The following GLT1D1 variants were observed in gnomAD, a reference collection of about 807,000 sequenced individuals.
GLT1D1 encodes glycosyltransferase 1 domain containing 1, also known as glycosyltransferase 1 domain-containing protein 1.
Under a neutral mutation model 28.7 loss-of-function variants are expected in GLT1D1, and 21 were observed. That is an observed-to-expected ratio of 0.73 (90% CI 0.52 to 1.05). GLT1D1 has a LOEUF of 1.05. Among genes scored for constraint, GLT1D1 ranks in the 50% least tolerant of loss-of-function variants. The probability of loss-of-function intolerance (pLI) is 0.00; values close to 1 mark genes in which losing one functional copy is unlikely to be tolerated. For missense variants in GLT1D1, 343 were observed against 330.6 expected, an observed-to-expected ratio of 1.04 and a Z score of -0.29; for synonymous variants, 147 against 124.8, an observed-to-expected ratio of 1.18 and a Z score of -1.19.
chr12:128,931,068 C>G (rs1873818112), intron 4 of GLT1D1, among the ~76,000 whole-genome samples: 3 of 149,892 alleles, frequency 2.0e-5, no homozygotes, highest in Non-Finnish European at 4.4e-5. Flanking sequence ...ATGGCGTGAT[C>G]TTGGCTCACA....
intron 4 of GLT1D1, among the ~76,000 whole-genome samples, chr12:128,936,520 A>G (rs11060028): frequency 0.13 from 20,460 of 152,194 alleles, 1,673 homozygotes; most frequent in East Asian, 0.34. Flanking sequence ...TTTTAGCTGC[A>G]GGATGGTTTG....
At chr12:128,966,617 C>A (rs1033247231) in intron 7 of GLT1D1, among the ~76,000 whole-genome samples, 5 of 152,082 alleles carry the variant, frequency 3.3e-5, no homozygotes, top group Non-Finnish European at 7.3e-5. Flanking sequence ...CTGCACGCAG[C>A]CCCAGCACTT....
intron 3 of GLT1D1, among the ~76,000 whole-genome samples, chr12:128,897,900 C>T (rs1869833024): frequency 6.6e-6 from 1 of 152,180 alleles, no homozygotes; most frequent in Non-Finnish European, 1.5e-5. Context: ...ATCTCCTGAC[C>T]TTGTGATCCG....
At chr12:128,927,917 T>G (rs1873402818) in intron 4 of GLT1D1, among the ~76,000 whole-genome samples, 1 of 139,000 alleles carries the variant, frequency 7.2e-6, no homozygotes, top group Non-Finnish European at 1.5e-5. Context: ...GGAGAATCGC[T>G]TGAACCCGAG....
chr12:128,874,990 T>A (rs1178497231), intron 1 of GLT1D1, among the ~76,000 whole-genome samples: 1 of 152,142 alleles, frequency 6.6e-6, no homozygotes, highest in African/African-American at 2.4e-5. Flanking sequence ...TTTATATTTA[T>A]GTTACCAGGA....
intron 4 of GLT1D1, among the ~76,000 whole-genome samples, chr12:128,927,491 G>A (rs1040186979): frequency 6.6e-6 from 1 of 151,166 alleles, no homozygotes; most frequent in South Asian, 2.1e-4. Flanking sequence ...ACACGCCTCG[G>A]CCTCCCAAAG....
intron 4 of GLT1D1, among the ~76,000 whole-genome samples, chr12:128,924,517 A>G (rs1425257110): frequency 6.6e-6 from 1 of 151,688 alleles, no homozygotes; most frequent in Non-Finnish European, 1.5e-5. Context: ...ACTAGAGTGC[A>G]GTGACCTTGG....
chr12:128,867,721 A>G (rs1956582245), intron 1 of GLT1D1, among the ~76,000 whole-genome samples: 2 of 152,174 alleles, frequency 1.3e-5, no homozygotes, highest in African/African-American at 4.8e-5. Context: ...AGATGCTCAC[A>G]CGCTTACTAC....
intron 7 of GLT1D1, among the ~76,000 whole-genome samples, chr12:128,977,462 A>G (rs1879873496): frequency 6.6e-6 from 1 of 152,160 alleles, no homozygotes; most frequent in Admixed American, 6.5e-5. Context: ...ACTTTGCTGT[A>G]TTCTTAAAAT....
At chr12:128,855,696 A>G (rs1956200184) in intron 1 of GLT1D1, among the ~76,000 whole-genome samples, 2 of 151,852 alleles carry the variant, frequency 1.3e-5, no homozygotes, top group African/African-American at 2.4e-5. Context: ...GTAAAAAAAT[A>G]AAAGACTGGC....
intron 4 of GLT1D1, among the ~76,000 whole-genome samples, chr12:128,939,837 A>ACCCCCCCCCCC (rs34870104): frequency 9.2e-5 from 9 of 97,596 alleles, no homozygotes; most frequent in African/African-American, 3.3e-4. Flanking sequence ...ATTGTTAGAA[A>ACCCCCCCCCCC]CCCCCCCCCA....
chr12:128,963,708 T>C (rs955093467), intron 7 of GLT1D1, among the ~76,000 whole-genome samples: 4 of 152,296 alleles, frequency 2.6e-5, no homozygotes, highest in African/African-American at 9.6e-5. Flanking sequence ...CTGGCTCCTA[T>C]CACGCACAGT....
chr12:128,889,828 G>A (rs143115338), intron 3 of GLT1D1, among the ~76,000 whole-genome samples: 150 of 152,318 alleles, frequency 9.8e-4, no homozygotes, highest in African/African-American at 3.4e-3. Flanking sequence ...AGGCTGGAGC[G>A]CAATGGCGCG....
At position 128,973,179 on chromosome 12, in the gene GLT1D1, G is replaced by GTTT. The variant is rs61169176; in HGVS notation, c.640-9725_640-9723dup. On this transcript the variant is annotated intron_variant, in intron 7 of 7. Coordinates refer to ENST00000281703, the MANE Select transcript of GLT1D1 (RefSeq NM_144669.3). ...CTTTTCTGTTTTGTTTGTTTGCTTG[G>GTTT]TTTTTTTTTTTTTTTTTTTTTTTTT... 9.8e-3 allele frequency among the ~76,000 whole-genome samples: 500 copies of GTTT among 50,986 alleles called. 96 individuals carry two copies. Among genetic ancestry groups the GTTT allele is most frequent in the South Asian group, 0.019 (21 of 1,080 alleles). The allele number at this position is 50,986 out of a possible 152,430, so 33.4% of individuals were successfully genotyped here.
rs1245332920 is a variant in GLT1D1 at position 128,870,003 on chromosome 12, C to T, written c.69-5911C>T. On this transcript the variant is annotated intron_variant, in intron 1 of 7. Transcript: ENST00000281703. ...ATGGCTTACTGCAACCTCTGTGTCC[C>T]AGGTTCAAGCAATTCTCCTGCCTCA... 2.0e-5 allele frequency among the ~76,000 whole-genome samples: 3 copies of T among 150,000 alleles called. No individual in the cohort carries two copies. In the Admixed American group the frequency reaches 2.0e-4, roughly 10 times the overall value.
chr12:128,870,039 T>G (rs1214748920), intron 1 of GLT1D1, among the ~76,000 whole-genome samples: 2 of 151,262 alleles, frequency 1.3e-5, no homozygotes, highest in Non-Finnish European at 2.9e-5. Flanking sequence ...GCCTCCTGAA[T>G]AGCTGGCATT....
At chr12:128,876,110 C>T (rs371474453) in intron 2 of GLT1D1, 48 bp downstream of exon 2, 65 of 1,542,902 alleles carry the variant, frequency 4.2e-5, no homozygotes, top group Middle Eastern at 1.7e-4. Flanking sequence ...TTCTGAAAAC[C>T]GGAAGTGCCT....
intron 1 of GLT1D1, among the ~76,000 whole-genome samples, chr12:128,866,730 C>G (rs1956534965): frequency 6.6e-6 from 1 of 151,790 alleles, no homozygotes; most frequent in African/African-American, 2.4e-5. Context: ...AAGCGATTCT[C>G]CTGCCTCAGC....
intron 6 of GLT1D1, among the ~76,000 whole-genome samples, chr12:128,948,469 C>T (rs865964551): frequency 3.3e-5 from 5 of 152,094 alleles, no homozygotes; most frequent in Admixed American, 2.0e-4. Flanking sequence ...TGGTGGTTCT[C>T]AGCACACACA....
Sources: gnomAD v4.1 joint callset for allele counts (sites outside exome capture counted in the v4.1 genomes callset) on GRCh38, gnomAD v4.1.1 for gene constraint, MANE v1.5 for transcripts, NCBI Gene and HGNC (gene_info 2026-07-23, HGNC 2026-07-21) for gene names.